ADCY2: variants seen among roughly 807,000 people sequenced by gnomAD.
ADCY2 encodes the protein adenylate cyclase 2, also known as adenylate cyclase type 2.
In ADCY2, 31 loss-of-function variants were observed where a neutral mutation model predicts 125.2. The observed-to-expected ratio is 0.25, with a 90% CI of 0.19 to 0.33. The LOEUF is 0.33. Among genes scored for constraint, ADCY2 ranks in the 10% least tolerant of loss-of-function variants. The pLI is 1.00. For synonymous variants in ADCY2, 512 were observed against 548.4 expected (o/e 0.93, Z 0.93); for missense variants, 904 against 1,418.2 (o/e 0.64, Z 5.82).
intron 2 of ADCY2, among the ~76,000 whole-genome samples, chr5:7,499,471 C>A (rs1743467709): frequency 6.6e-6 from 1 of 151,426 alleles, no homozygotes; most frequent in African/African-American, 2.4e-5. Context: ...TATTTTGATG[C>A]CACACTTTAA....
intron 14 of ADCY2, among the ~76,000 whole-genome samples, chr5:7,727,673 C>T (rs1228286755): frequency 6.6e-6 from 1 of 151,964 alleles, no homozygotes; most frequent in Non-Finnish European, 1.5e-5. Context: ...ACACTTTGCC[C>T]ACCCATCCAT....
At chr5:7,705,903 T>C (rs1741252201) in intron 7 of ADCY2, among the ~76,000 whole-genome samples, 1 of 152,350 alleles carries the variant, frequency 6.6e-6, no homozygotes, top group South Asian at 2.1e-4. Flanking sequence ...CATACATGCC[T>C]ATGCCATTTT....
intron 15 of ADCY2, among the ~76,000 whole-genome samples, chr5:7,748,559 C>T (rs190911928): frequency 9.4e-5 from 14 of 149,470 alleles, no homozygotes; most frequent in African/African-American, 3.2e-4. Context: ...CACACACACA[C>T]ACACAAAATG....
chr5:7,432,572 G>A (rs974104229), intron 2 of ADCY2, among the ~76,000 whole-genome samples: 1 of 152,224 alleles, frequency 6.6e-6, no homozygotes. Context: ...AGTGACTGGA[G>A]TTCACCCCAG....
In ADCY2 at chr5:7,722,286, G is replaced by T. The variant is rs570267615; in HGVS notation, c.1704-2259G>T. ...CAGGCCATGGAAACCTAGACTGGGT[G>T]CATGCTGGCCCAACTAGTAAAGGAG... On this transcript the variant is annotated intron_variant, in intron 12 of 24. Coordinates refer to ENST00000338316, the MANE Select transcript of ADCY2 (RefSeq NM_020546.3). Among the ~76,000 whole-genome samples the T allele has an allele frequency of 3.9e-4, 60 of 152,270 alleles. 3 individuals carry two copies. In the South Asian group the frequency reaches 0.012, roughly 31 times the overall value.
chr5:7,558,063 T>A (rs376053688), intron 3 of ADCY2, among the ~76,000 whole-genome samples: 291 of 152,200 alleles, frequency 1.9e-3, no homozygotes, highest in Non-Finnish European at 3.0e-3. Context: ...TTTTATTTTT[T>A]TTTTTTTGAG....
chr5:7,793,158 C>T (rs1744308143), intron 20 of ADCY2, among the ~76,000 whole-genome samples: 1 of 152,190 alleles, frequency 6.6e-6, no homozygotes, highest in South Asian at 2.1e-4. Context: ...GTTAAAGACA[C>T]ACAGTGTCAG....
intron 3 of ADCY2, among the ~76,000 whole-genome samples, chr5:7,529,704 G>T (rs1178186268): frequency 1.3e-5 from 2 of 152,242 alleles, no homozygotes; most frequent in East Asian, 3.8e-4. Flanking sequence ...GCCATTGAGA[G>T]TGTTGTCTGC....
intron 24 of ADCY2, among the ~76,000 whole-genome samples, chr5:7,824,526 G>GT (rs1012777269): frequency 6.6e-6 from 1 of 152,200 alleles, no homozygotes; most frequent in Admixed American, 6.5e-5. Flanking sequence ...GCAAACCTGA[G>GT]TTTCATTGGT....
intron 17 of ADCY2, among the ~76,000 whole-genome samples, chr5:7,771,582 T>A (rs1484542152): frequency 6.6e-6 from 1 of 152,114 alleles, no homozygotes. Context: ...CTTGAGTGCC[T>A]CCACTCAAGC....
intron 15 of ADCY2, among the ~76,000 whole-genome samples, chr5:7,744,600 T>C (rs1220332761): frequency 6.6e-6 from 1 of 152,206 alleles, no homozygotes; most frequent in African/African-American, 2.4e-5. Context: ...TATGAGAGCA[T>C]CGTAAGGATG....
intron 2 of ADCY2, among the ~76,000 whole-genome samples, chr5:7,437,007 C>A (rs952627305): frequency 6.6e-6 from 1 of 152,134 alleles, no homozygotes; most frequent in Non-Finnish European, 1.5e-5. Flanking sequence ...AGAAGGGACC[C>A]TCTAAAGGGG....
At chr5:7,623,034 C>T (rs1450687558) in intron 3 of ADCY2, among the ~76,000 whole-genome samples, 1 of 152,172 alleles carries the variant, frequency 6.6e-6, no homozygotes, top group Non-Finnish European at 1.5e-5. Context: ...TCTAGGAAAA[C>T]AGGACAAGGC....
intron 12 of ADCY2, among the ~76,000 whole-genome samples, chr5:7,722,833 A>G (rs1188572989): frequency 6.6e-6 from 1 of 151,804 alleles, no homozygotes; most frequent in Admixed American, 6.6e-5. Context: ...GCTGGTGTGC[A>G]CCTGTAATCC....
chr5:7,679,910 C>T (rs948887183), intron 4 of ADCY2, among the ~76,000 whole-genome samples: 1 of 152,084 alleles, frequency 6.6e-6, no homozygotes, highest in Admixed American at 6.5e-5. Flanking sequence ...TCACTGCATC[C>T]CTTAGTGCTC....
At chr5:7,472,777 C>G (rs180678760) in intron 2 of ADCY2, among the ~76,000 whole-genome samples, 43 of 152,200 alleles carry the variant, frequency 2.8e-4, no homozygotes, top group African/African-American at 9.6e-4. Flanking sequence ...CATTCTCTAA[C>G]TTTACCTTGT....
intron 2 of ADCY2, among the ~76,000 whole-genome samples, chr5:7,482,803 T>C (rs1013137705): frequency 7.9e-6 from 1 of 125,992 alleles, no homozygotes; most frequent in Non-Finnish European, 1.8e-5. Flanking sequence ...CACACACACA[T>C]ACATATATAC....
intron 7 of ADCY2, among the ~76,000 whole-genome samples, chr5:7,699,756 T>C (rs1741021020): frequency 6.6e-6 from 1 of 151,962 alleles, no homozygotes; most frequent in Non-Finnish European, 1.5e-5. Context: ...TCCAGCTAAT[T>C]TTTGTATTTT....
At chr5:7,463,672 C>T (rs1483959858) in intron 2 of ADCY2, among the ~76,000 whole-genome samples, 1 of 148,606 alleles carries the variant, frequency 6.7e-6, no homozygotes, top group Non-Finnish European at 1.5e-5. Flanking sequence ...ATGTGCTAAG[C>T]ATGTAAATGT....
Sources: allele counts gnomAD v4.1 joint callset (sites outside exome capture counted in the v4.1 genomes callset), GRCh38; gene constraint gnomAD v4.1.1; transcripts MANE v1.5; gene names NCBI Gene and HGNC (gene_info 2026-07-23, HGNC 2026-07-21).